The following PAX6 variants were observed in gnomAD, a reference collection of about 807,000 sequenced individuals.
The protein encoded by PAX6 is paired box 6, also known as paired box protein Pax-6.
In PAX6, 7 loss-of-function variants were observed where a neutral mutation model predicts 60.7. The ratio of observed to expected loss-of-function variants is 0.12; its 90% CI spans 0.07 to 0.22. The LOEUF is 0.22. PAX6 is among the 10% of genes least tolerant of loss of function. PAX6 has a pLI of 1.00. For missense variants in PAX6, 355 were observed against 555.2 expected, an observed-to-expected ratio of 0.64 and a Z score of 3.62; for synonymous variants, 208 against 201.2, an observed-to-expected ratio of 1.03 and a Z score of -0.29.
At chr11:31,793,997 A>G in intron 10 of PAX6, 35 bp downstream of exon 10, 1 of 1,427,080 alleles carries the variant, frequency 7.0e-7, no homozygotes, top group Non-Finnish European at 9.9e-7. Flanking sequence ...AATGGTATGA[A>G]TCACAAAGTG....
At chr11:31,803,089 C>G in intron 4 of PAX6, 2 of 494,172 alleles carry the variant, frequency 4.0e-6, no homozygotes, top group South Asian at 4.2e-5. Context: ...CCAGCCATGC[C>G]AGACATCGGG....
In PAX6 at chr11:31,789,852, T is replaced by C; in HGVS notation, c.*82A>G. 1 of 1,302,234 alleles carries C rather than the reference T, an allele frequency of 7.7e-7. No homozygotes were observed. Among genetic ancestry groups the C allele is most frequent in the Non-Finnish European group, 1.1e-6 (1 of 918,486 alleles). 80.7% of individuals were successfully genotyped at this position (1,302,234 alleles called of 1,614,324 possible). On this transcript the variant is annotated 3_prime_UTR_variant, in exon 14 of 14. Coordinates refer to ENST00000640368, the MANE Select transcript of PAX6 (RefSeq NM_001368894.2). ...CTAACAGCCATTTTTCTTTCTTTCC[T>C]GAAAGCTCAACTGTTGTGTCCCCAT...
At chr11:31,801,021 T>A in intron 7 of PAX6, 165 bp from the exon 8 acceptor site, 1 of 813,444 alleles carries the variant, frequency 1.2e-6, no homozygotes, top group Non-Finnish European at 2.0e-6. Flanking sequence ...GAAAAAATGA[T>A]AGCTATCACT....
chr11:31,810,321 G>A (rs1028006797), intron 2 of PAX6: 1 of 152,314 alleles, frequency 6.6e-6, no homozygotes, highest in Non-Finnish European at 1.5e-5. Flanking sequence ...GCGGCGAGCA[G>A]GTTCCCTCGG....
At chr11:31,816,975 G>T (rs1450671396) in intron 1 of PAX6, among the ~76,000 whole-genome samples, 3 of 152,234 alleles carry the variant, frequency 2.0e-5, no homozygotes. Context: ...CTAAGTTTGG[G>T]TCGTCCCTTC....
At position 31,810,964 on chromosome 11, in the gene PAX6, G is replaced by C; in HGVS notation, c.-265C>G. The C allele has an allele frequency of 2.5e-6, 1 of 399,248 alleles. No homozygotes were observed. Among genetic ancestry groups the C allele is most frequent in the Admixed American group, 4.4e-5 (1 of 22,728 alleles). 24.7% of individuals were successfully genotyped at this position (399,248 alleles called of 1,614,324 possible). Reference sequence around the variant, plus strand: ...TGTTTTAAAGGAGTTGCTGGTGAGAGTTTTCTCCACGGATGTTGCTGGGTT... The same window carrying C: ...TGTTTTAAAGGAGTTGCTGGTGAGACTTTTCTCCACGGATGTTGCTGGGTT... On this transcript the variant is annotated 5_prime_UTR_variant, in exon 2 of 14. Transcript: ENST00000640368.
intron 8 of PAX6, 70 bp downstream of exon 8, chr11:31,800,621 T>C: frequency 6.4e-7 from 1 of 1,560,290 alleles, no homozygotes; most frequent in South Asian, 1.1e-5. Context: ...GAGGAAATGG[T>C]TGGGAGAGTA....
chr11:31,816,349 T>A, intron 1 of PAX6: 1 of 560,072 alleles, frequency 1.8e-6, no homozygotes, highest in Non-Finnish European at 3.2e-6. Flanking sequence ...ACGGGCGCCC[T>A]CCGATCACGA....
chr11:31,804,119 T>C (rs896092403), intron 4 of PAX6: 5 of 152,202 alleles, frequency 3.3e-5, no homozygotes, highest in South Asian at 2.1e-4. Context: ...GGGGAAAATA[T>C]GATGAGCCTC....
rs1057523821 is a variant in PAX6, at chr11:31,793,556, G to A, written c.959-3C>T. On this transcript the variant is annotated splice_polypyrimidine_tract_variant and splice_region_variant and intron_variant, in intron 11 of 13. Coordinates refer to ENST00000640368, the MANE Select transcript of PAX6 (RefSeq NM_001368894.2). The stretch of plus-strand genomic sequence containing the variant: ...GGAGCCAGATGTGAAGGAGGAAACT[G>A]AGGGCAAGAGAAATGACAGTAGTCA... The A allele has an allele frequency of 6.2e-7, 1 of 1,613,994 alleles. No homozygotes were observed. Among genetic ancestry groups the A allele is most frequent in the African/African-American group, 1.3e-5 (1 of 74,950 alleles).
intron 8 of PAX6, among the ~76,000 whole-genome samples, chr11:31,797,983 T>TGTGAGA (rs1554984345): frequency 1.3e-5 from 2 of 148,192 alleles, no homozygotes; most frequent in Admixed American, 1.3e-4. Context: ...TGGAAGGAGG[T>TGTGAGA]GAGAGAGAGA....
chr11:31,790,580 C>T (rs1208667521), intron 13 of PAX6, 130 bp downstream of exon 13: 3 of 1,537,694 alleles, frequency 2.0e-6, no homozygotes, highest in Non-Finnish European at 2.7e-6. Context: ...CCTTTTCAAT[C>T]CCCATCCCCC....
In PAX6 at chr11:31,789,820, A is replaced by G. The variant is rs1037916086; in HGVS notation, c.*114T>C. ...ATACAGGACACAATTGTAGAACTGA[A>G]GCGGCTCTAACAGCCATTTTTCTTT... On this transcript the variant is annotated 3_prime_UTR_variant, in exon 14 of 14. Transcript: ENST00000640368. 5 of 915,344 alleles carry G rather than the reference A, an allele frequency of 5.5e-6. No homozygotes were observed. The highest frequency in any genetic ancestry group is 3.3e-5 in the African/African-American group (2 of 60,876). The allele number at this position is 915,344 out of a possible 1,614,324, so 56.7% of individuals were successfully genotyped here.
intron 9 of PAX6, 92 bp from the exon 10 acceptor site, chr11:31,794,206 T>C: frequency 1.2e-6 from 1 of 838,448 alleles, no homozygotes; most frequent in Non-Finnish European, 2.1e-6. Flanking sequence ...ACCTCCCCAC[T>C]CCCATTACCT....
chr11:31,792,006 A>G (rs1190807465), intron 12 of PAX6: 1 of 152,258 alleles, frequency 6.6e-6, no homozygotes, highest in South Asian at 2.1e-4. Context: ...CAGCCCTAAT[A>G]TAATTGCAGC....
chr11:31,801,518 T>C (rs368663564), intron 7 of PAX6, 43 bp downstream of exon 7: 214 of 1,613,386 alleles, frequency 1.3e-4, no homozygotes, highest in Non-Finnish European at 1.8e-4. Flanking sequence ...GGAGAGAGCA[T>C]TGGGCTTAGG....
At chr11:31,802,155 G>A (rs549036494) in intron 5 of PAX6, 4 of 530,982 alleles carry the variant, frequency 7.5e-6, no homozygotes, top group Non-Finnish European at 1.3e-5. Flanking sequence ...GTGGCGTTAT[G>A]TTTTAAAGAA....
chr11:31,794,392 A>T lies in PAX6; in HGVS notation c.724+238T>A, dbSNP rs185676528. On this transcript the variant is annotated intron_variant, in intron 9 of 13. Coordinates refer to ENST00000640368, the MANE Select transcript of PAX6 (RefSeq NM_001368894.2). Reference sequence around the variant, plus strand: ...CATTTAGTCTTTGAATTACTGGTAGATGAAAAGAAGAAACACACACACACA... The same window carrying T: ...CATTTAGTCTTTGAATTACTGGTAGTTGAAAAGAAGAAACACACACACACA... 1.4e-4 allele frequency: 82 copies of T among 606,772 alleles called. No homozygotes were observed. In the African/African-American group the frequency reaches 1.5e-3, roughly 11 times the overall value. 37.6% of individuals were successfully genotyped at this position (606,772 alleles called of 1,614,324 possible).
chr11:31,790,365 A>G, intron 13 of PAX6: 1 of 971,048 alleles, frequency 1.0e-6, no homozygotes, highest in South Asian at 2.0e-5. Flanking sequence ...GGTCTAGAGG[A>G]GCTATGAGGG....
Sources: allele counts gnomAD v4.1 joint callset (sites outside exome capture counted in the v4.1 genomes callset), GRCh38; gene constraint gnomAD v4.1.1; transcripts MANE v1.5; gene names NCBI Gene and HGNC (gene_info 2026-07-23, HGNC 2026-07-21).